Variants in FSHR observed in about 807,000 individuals in gnomAD.
FSHR encodes follicle-stimulating hormone receptor.
FSHR carries 46 observed loss-of-function variants against 52.1 expected under a neutral mutation model. The observed-to-expected ratio is 0.88, with a 90% CI of 0.70 to 1.13. The LOEUF is 1.13. FSHR is among the 50% of genes most tolerant of loss of function. The pLI is 0.00. For missense variants in FSHR, 964 were observed against 834.6 expected, an observed-to-expected ratio of 1.16 and a Z score of -1.91; for synonymous variants, 399 against 309.6, an observed-to-expected ratio of 1.29 and a Z score of -3.03.
At chr2:48,984,005 G>A (rs149268969) in intron 6 of FSHR, among the ~76,000 whole-genome samples, 7 of 152,222 alleles carry the variant, frequency 4.6e-5, no homozygotes, top group Non-Finnish European at 1.0e-4. Flanking sequence ...AGCTTAGCCC[G>A]AAGAACCTCT....
At chr2:49,052,489 T>G (rs546770664) in intron 2 of FSHR, among the ~76,000 whole-genome samples, 17 of 152,332 alleles carry the variant, frequency 1.1e-4, no homozygotes, top group Non-Finnish European at 2.2e-4. Flanking sequence ...GATTAATGCT[T>G]AGACCTCGTC....
At chr2:49,059,899 C>T (rs909272296) in intron 2 of FSHR, among the ~76,000 whole-genome samples, 1 of 152,036 alleles carries the variant, frequency 6.6e-6, no homozygotes, top group Non-Finnish European at 1.5e-5. Flanking sequence ...GCCAATGAAA[C>T]AATCAATATA....
intron 1 of FSHR, among the ~76,000 whole-genome samples, chr2:49,150,378 C>G (rs891935508): frequency 1.3e-5 from 2 of 152,066 alleles, no homozygotes; most frequent in Non-Finnish European, 2.9e-5. Flanking sequence ...AAATCAGTCT[C>G]ATATCTCTTG....
intron 8 of FSHR, among the ~76,000 whole-genome samples, chr2:48,980,609 A>G (rs1327048223): frequency 2.0e-5 from 3 of 152,164 alleles, no homozygotes; most frequent in African/African-American, 7.2e-5. Flanking sequence ...TGGTGTTAAT[A>G]GTTATTTTCC....
intron 8 of FSHR, among the ~76,000 whole-genome samples, chr2:48,972,155 G>C (rs144479263): frequency 6.6e-5 from 10 of 152,254 alleles, no homozygotes; most frequent in African/African-American, 2.4e-4. Flanking sequence ...CTGAAAATCT[G>C]TTCCACCTTT....
rs750344564 is a variant in FSHR at position 49,154,432 on chromosome 2, C to T, written c.-15G>A. On this transcript the variant is annotated 5_prime_UTR_variant, in exon 1 of 10. An upstream open reading frame in the 5' UTR gains an earlier in-frame stop. Coordinates refer to ENST00000406846, the MANE Select transcript of FSHR (RefSeq NM_000145.4). ...AGCAGGGCCATAATTATGCATCCATCCACCTGATTTCTTCCTGCATTTGCA... is the reference window on the plus strand; with the variant it reads ...AGCAGGGCCATAATTATGCATCCATTCACCTGATTTCTTCCTGCATTTGCA... 9 of 1,611,822 alleles carry T rather than the reference C, an allele frequency of 5.6e-6. No homozygotes were observed. Among genetic ancestry groups the T allele is most frequent in the Non-Finnish European group, 6.8e-6 (8 of 1,179,676 alleles).
chr2:49,041,180 C>T (rs1668468075), intron 2 of FSHR, among the ~76,000 whole-genome samples: 1 of 152,126 alleles, frequency 6.6e-6, no homozygotes, highest in Non-Finnish European at 1.5e-5. Flanking sequence ...TGGATCTGTG[C>T]CTCATGCTTA....
chr2:49,052,503 G>GA (rs1237364465), intron 2 of FSHR, among the ~76,000 whole-genome samples: 1 of 152,156 alleles, frequency 6.6e-6, no homozygotes, highest in Non-Finnish European at 1.5e-5. Flanking sequence ...CCTCGTCCTG[G>GA]AAAAATGGAA....
chr2:49,118,214 A>T (rs1671675189), intron 1 of FSHR, among the ~76,000 whole-genome samples: 1 of 152,100 alleles, frequency 6.6e-6, no homozygotes, highest in Non-Finnish European at 1.5e-5. Flanking sequence ...GAGTTGAGAG[A>T]TGTATTCCCA....
In FSHR at chr2:48,979,023, A is replaced by G. The variant is rs137863391; in HGVS notation, c.668+3889T>C. ...TTTTGGAGACTGAGCAAGGCTTCCCAATTCCCAATATTGGTCCTAGGGCAG... is the reference window on the plus strand; with the variant it reads ...TTTTGGAGACTGAGCAAGGCTTCCCGATTCCCAATATTGGTCCTAGGGCAG... On this transcript the variant is annotated intron_variant, in intron 8 of 9. Coordinates refer to ENST00000406846, the MANE Select transcript of FSHR (RefSeq NM_000145.4). Among the ~76,000 whole-genome samples the G allele has an allele frequency of 7.7e-3, 1,178 of 152,274 alleles. 14 individuals are homozygous for G. The highest frequency in any genetic ancestry group is 0.037 in the Middle Eastern group (11 of 294).
At chr2:49,022,546 C>G (rs1667764819) in intron 2 of FSHR, among the ~76,000 whole-genome samples, 3 of 152,170 alleles carry the variant, frequency 2.0e-5, no homozygotes, top group Admixed American at 2.0e-4. Context: ...TTATCAGCCA[C>G]TTTACCTACA....
rs749335396 is a variant in FSHR, at chr2:48,979,805, T to TTG, written c.668+3105_668+3106dup. The stretch of plus-strand genomic sequence containing the variant: ...CCCGCATGCAGATATATCACAGTCT[T>TTG]TGTGTGTGTGTGTGTGTGTGTGTGT... On this transcript the variant is annotated intron_variant, in intron 8 of 9. Transcript: ENST00000406846. Among the ~76,000 whole-genome samples the TTG allele has an allele frequency of 1.9e-3, 281 of 150,214 alleles. 2 individuals carry two copies. The highest frequency in any genetic ancestry group is 3.4e-3 in the Middle Eastern group (1 of 292).
chr2:49,066,315 C>G (rs564759529), intron 2 of FSHR, among the ~76,000 whole-genome samples: 1 of 151,798 alleles, frequency 6.6e-6, no homozygotes. Flanking sequence ...GAAGAAAAGG[C>G]CAATATTTAT....
chr2:49,052,021 AT>A, intron 2 of FSHR, among the ~76,000 whole-genome samples: 1 of 152,186 alleles, frequency 6.6e-6, no homozygotes, highest in Non-Finnish European at 1.5e-5. Context: ...TTCCCAACTC[AT>A]TTTATAATAC....
intron 1 of FSHR, among the ~76,000 whole-genome samples, chr2:49,139,052 A>T (rs1347016073): frequency 6.6e-6 from 1 of 152,184 alleles, no homozygotes; most frequent in Non-Finnish European, 1.5e-5. Context: ...ACATGATCTT[A>T]GACAAATCAT....
At chr2:49,046,428 T>A (rs1266000787) in intron 2 of FSHR, among the ~76,000 whole-genome samples, 1 of 152,210 alleles carries the variant, frequency 6.6e-6, no homozygotes, top group African/African-American at 2.4e-5. Context: ...TCATCACTTA[T>A]CAACTGTGTG....
rs184609479 is a variant in FSHR at position 49,065,356 on chromosome 2, T to A, written c.224+2863A>T. ...TAGGTTATGTAAGTGATGATGAGACTTTGGGTCTAATAGTAACAGGAATGA... is the reference window on the plus strand; with the variant it reads ...TAGGTTATGTAAGTGATGATGAGACATTGGGTCTAATAGTAACAGGAATGA... On this transcript the variant is annotated intron_variant, in intron 2 of 9. Transcript: ENST00000406846. Among the ~76,000 whole-genome samples the A allele has an allele frequency of 3.6e-3, 548 of 152,098 alleles. 2 individuals are homozygous for A. The highest frequency in any genetic ancestry group is 0.034 in the Middle Eastern group (10 of 294).
chr2:49,148,284 T>C (rs1264257842), intron 1 of FSHR, among the ~76,000 whole-genome samples: 3 of 151,968 alleles, frequency 2.0e-5, no homozygotes, highest in African/African-American at 7.2e-5. Flanking sequence ...CTGTATAAAT[T>C]AATGGATTCT....
At chr2:48,986,581 G>A (rs1251816765) in intron 6 of FSHR, among the ~76,000 whole-genome samples, 1 of 152,064 alleles carries the variant, frequency 6.6e-6, no homozygotes. Flanking sequence ...CCACAAAAGT[G>A]AGTTTATCCT....
Sources: gnomAD v4.1 joint callset for allele counts (sites outside exome capture counted in the v4.1 genomes callset) on GRCh38, gnomAD v4.1.1 for gene constraint, MANE v1.5 for transcripts, NCBI Gene and HGNC (gene_info 2026-07-23, HGNC 2026-07-21) for gene names.